The following SHANK2 variants were observed in gnomAD, a reference collection of about 807,000 sequenced individuals.
The protein encoded by SHANK2 is SH3 and multiple ankyrin repeat domains 2.
In SHANK2, 43 loss-of-function variants were observed where a neutral mutation model predicts 133.7. That is an observed-to-expected ratio of 0.32 (90% CI 0.25 to 0.41). The LOEUF (loss-of-function observed/expected upper bound fraction) is 0.41. Ranked by LOEUF, SHANK2 falls within the 10% of genes least tolerant of loss-of-function variation. The pLI is 1.00. For synonymous variants in SHANK2, 1,017 were observed against 952.8 expected (o/e 1.07, Z -1.24); for missense variants, 1,994 against 2,235.8 (o/e 0.89, Z 2.18).
At position 70,755,895 on chromosome 11, in the gene SHANK2, T is replaced by A. The variant is rs181108316; in HGVS notation, c.1777+42548A>T. Reference sequence around the variant, plus strand: ...TGTTGGAAATACAAGTTTATTTCCATCTTACAGGATGGCTTTCCGTTGCCC... The same window carrying A: ...TGTTGGAAATACAAGTTTATTTCCAACTTACAGGATGGCTTTCCGTTGCCC... On this transcript the variant is annotated intron_variant, in intron 14 of 25. Coordinates refer to ENST00000601538, the MANE Select transcript of SHANK2 (RefSeq NM_012309.5). Among the ~76,000 whole-genome samples, 7 of 152,300 alleles carry A rather than the reference T, an allele frequency of 4.6e-5. 1 individual carries two copies. The highest frequency in any genetic ancestry group is 4.6e-4 in the Admixed American group (7 of 15,310).
At chr11:71,215,512 G>A (rs782219884) in intron 2 of SHANK2, among the ~76,000 whole-genome samples, 26 of 152,204 alleles carry the variant, frequency 1.7e-4, no homozygotes, top group Admixed American at 3.3e-4. Flanking sequence ...CTGAGCGAAC[G>A]TGAGGTCAGG....
chr11:71,131,831 C>A (rs1555103758), intron 3 of SHANK2, among the ~76,000 whole-genome samples: 1 of 152,160 alleles, frequency 6.6e-6, no homozygotes, highest in East Asian at 1.9e-4. Flanking sequence ...GGCTCGTAAG[C>A]ATGTTAAACA....
chr11:70,488,634 T>C (rs2058845405), intron 24 of SHANK2, among the ~76,000 whole-genome samples: 1 of 152,194 alleles, frequency 6.6e-6, no homozygotes, highest in Non-Finnish European at 1.5e-5. Context: ...AGGAATAGGA[T>C]CCTGAGCCAG....
chr11:70,510,835 G>A (rs552684836), intron 17 of SHANK2, among the ~76,000 whole-genome samples: 1 of 152,368 alleles, frequency 6.6e-6, no homozygotes, highest in African/African-American at 2.4e-5. Flanking sequence ...TGAAGAGGAA[G>A]TGTGACTCCA....
At chr11:70,595,660 C>T (rs1451466118) in intron 17 of SHANK2, among the ~76,000 whole-genome samples, 14 of 152,194 alleles carry the variant, frequency 9.2e-5, no homozygotes, top group African/African-American at 2.9e-4. Flanking sequence ...GCCCAAAATT[C>T]GTGTCTACCC....
intron 2 of SHANK2, among the ~76,000 whole-genome samples, chr11:71,203,624 G>A (rs191653520): frequency 7.9e-5 from 12 of 152,220 alleles, no homozygotes; most frequent in Non-Finnish European, 1.5e-4. Flanking sequence ...AAAGAAAGAC[G>A]GGGTCCTTAC....
intron 17 of SHANK2, among the ~76,000 whole-genome samples, chr11:70,529,644 C>G (rs901134705): frequency 1.1e-4 from 17 of 152,166 alleles, no homozygotes; most frequent in African/African-American, 4.1e-4. Context: ...CTATCTAGTT[C>G]CAGAATGTTT....
chr11:71,190,082 C>T (rs546053865), intron 2 of SHANK2, among the ~76,000 whole-genome samples: 19 of 152,326 alleles, frequency 1.2e-4, no homozygotes, highest in African/African-American at 4.1e-4. Context: ...GGTCGACCAA[C>T]AGCAGAGACG....
intron 17 of SHANK2, among the ~76,000 whole-genome samples, chr11:70,630,856 T>C (rs560040514): frequency 6.6e-6 from 1 of 152,230 alleles, no homozygotes; most frequent in East Asian, 1.9e-4. Flanking sequence ...TTTGAACCCT[T>C]TGTGAGAGCA....
intron 25 of SHANK2, among the ~76,000 whole-genome samples, chr11:70,484,522 A>G (rs1555152471): frequency 6.6e-6 from 1 of 151,924 alleles, no homozygotes; most frequent in Non-Finnish European, 1.5e-5. Context: ...AGCCAATTAA[A>G]CCTCATTTTT....
chr11:70,696,103 T>A (rs1449254097), intron 15 of SHANK2, among the ~76,000 whole-genome samples: 2 of 152,042 alleles, frequency 1.3e-5, no homozygotes, highest in Non-Finnish European at 2.9e-5. Context: ...TTGGAGGTCA[T>A]CCAGTCCAAT....
chr11:70,795,923 C>T lies in SHANK2; in HGVS notation c.1777+2520G>A, dbSNP rs547857978. Among the ~76,000 whole-genome samples, 13 of 152,326 alleles carry T rather than the reference C, an allele frequency of 8.5e-5. No homozygotes were observed. The South Asian group carries it at 2.7e-3, about 32-fold the overall frequency. On this transcript the variant is annotated intron_variant, in intron 14 of 25. Transcript: ENST00000601538. ...ATGCCCTGACTTTAGCCAAGTGAGACTCACACCCGCATCAGCCCAGGTAGA... is the reference window on the plus strand; with the variant it reads ...ATGCCCTGACTTTAGCCAAGTGAGATTCACACCCGCATCAGCCCAGGTAGA...
At chr11:70,551,072 C>A (rs1047430359) in intron 17 of SHANK2, among the ~76,000 whole-genome samples, 1 of 152,150 alleles carries the variant, frequency 6.6e-6, no homozygotes, top group Non-Finnish European at 1.5e-5. Flanking sequence ...CCCTCCCACC[C>A]CCTCCGAGAC....
intron 17 of SHANK2, among the ~76,000 whole-genome samples, chr11:70,508,819 G>C (rs181730954): frequency 6.0e-4 from 92 of 152,286 alleles, no homozygotes; most frequent in African/African-American, 2.0e-3. Flanking sequence ...AGCTCTGGAG[G>C]TCGAGACTGC....
chr11:70,852,631 T>A (rs1429919782), intron 11 of SHANK2, among the ~76,000 whole-genome samples: 2 of 152,086 alleles, frequency 1.3e-5, no homozygotes, highest in Non-Finnish European at 2.9e-5. Context: ...GATCACGAGG[T>A]CAGGAGTTCG....
At chr11:70,567,634 GAA>G (rs797035073) in intron 17 of SHANK2, among the ~76,000 whole-genome samples, 3 of 127,602 alleles carry the variant, frequency 2.4e-5, no homozygotes, top group Admixed American at 1.6e-4. Context: ...TCTCACAAAA[GAA>G]AAAAAAAAAA....
chr11:70,637,890 T>C lies in SHANK2; in HGVS notation c.2061+21938A>G, dbSNP rs543078450. Among the ~76,000 whole-genome samples the C allele has an allele frequency of 9.1e-4, 139 of 152,242 alleles. 2 individuals carry two copies. Among genetic ancestry groups the C allele is most frequent in the African/African-American group, 3.2e-3 (134 of 41,554 alleles). On this transcript the variant is annotated intron_variant, in intron 17 of 25. Transcript: ENST00000601538. ...GACGGGGCTGGAGCCCTGTTTGGGGTCTGCGAGCTGCCCACAGCTCACGCC... is the reference window on the plus strand; with the variant it reads ...GACGGGGCTGGAGCCCTGTTTGGGGCCTGCGAGCTGCCCACAGCTCACGCC...
chr11:70,493,044 C>A (rs1313287276), intron 21 of SHANK2, among the ~76,000 whole-genome samples: 1 of 151,900 alleles, frequency 6.6e-6, no homozygotes, highest in African/African-American at 2.4e-5. Flanking sequence ...GATCCACCGG[C>A]CTTGGCCTCC....
chr11:70,561,546 T>C (rs1318982362), intron 17 of SHANK2, among the ~76,000 whole-genome samples: 3 of 151,878 alleles, frequency 2.0e-5, no homozygotes, highest in Non-Finnish European at 2.9e-5. Flanking sequence ...TTGTTGTTGC[T>C]GAGACAGGGT....
Sources: allele counts gnomAD v4.1 joint callset (sites outside exome capture counted in the v4.1 genomes callset), GRCh38; gene constraint gnomAD v4.1.1; transcripts MANE v1.5; gene names NCBI Gene and HGNC (gene_info 2026-07-23, HGNC 2026-07-21).